The following DGKI variants were observed in gnomAD, a reference collection of about 807,000 sequenced individuals.
DGKI encodes DAG kinase iota.
A neutral mutation model predicts 147.5 loss-of-function variants in DGKI; 55 were observed. The observed-to-expected ratio is 0.37, with a 90% CI of 0.30 to 0.47. The LOEUF (loss-of-function observed/expected upper bound fraction) is 0.47. Ranked by LOEUF, DGKI falls within the 20% of genes least tolerant of loss-of-function variation. The pLI is 1.00. For missense variants in DGKI, 1,007 were observed against 1,323.8 expected, an observed-to-expected ratio of 0.76 and a Z score of 3.71; for synonymous variants, 469 against 477.1, an observed-to-expected ratio of 0.98 and a Z score of 0.22.
chr7:137,473,694 A>G (rs577767277), intron 23 of DGKI, among the ~76,000 whole-genome samples: 29 of 152,192 alleles, frequency 1.9e-4, no homozygotes, highest in Non-Finnish European at 3.8e-4. Flanking sequence ...GAGCAGACTG[A>G]AACTAGGTCA....
intron 20 of DGKI, among the ~76,000 whole-genome samples, chr7:137,525,975 A>G (rs1817131247): frequency 6.6e-6 from 1 of 152,070 alleles, no homozygotes; most frequent in African/African-American, 2.4e-5. Context: ...AAGGCCAACT[A>G]AAAACATGAA....
chr7:137,479,059 C>G (rs1815278706), intron 23 of DGKI, among the ~76,000 whole-genome samples: 2 of 152,114 alleles, frequency 1.3e-5, no homozygotes, highest in Non-Finnish European at 2.9e-5. Context: ...CCTCTAGTCT[C>G]CCCAGTCCTC....
At position 137,608,947 on chromosome 7, in the gene DGKI, A is replaced by G; in HGVS notation, c.1167+19T>C. ...AATTATCAAAACTTCTAAGTTGAAA[A>G]TCATGAAAAATTACTCACCTGGTTG... On this transcript the variant is annotated intron_variant, in intron 10 of 32. Transcript: ENST00000614521. 1 of 1,578,380 alleles carries G rather than the reference A, an allele frequency of 6.3e-7. No homozygotes were observed. The highest frequency in any genetic ancestry group is 1.1e-5 in the South Asian group (1 of 90,262).
intron 11 of DGKI, among the ~76,000 whole-genome samples, chr7:137,599,534 T>C (rs1023244423): frequency 6.6e-6 from 1 of 152,220 alleles, no homozygotes; most frequent in South Asian, 2.1e-4. Context: ...CAATGAGTCC[T>C]TTCTCAATTC....
chr7:137,522,003 G>A (rs1449441501), intron 20 of DGKI, 37 bp from the exon 21 acceptor site: 1 of 1,516,782 alleles, frequency 6.6e-7, no homozygotes, highest in Non-Finnish European at 9.1e-7. Context: ...ATACAAATGA[G>A]AGAGCGGAAT....
intron 24 of DGKI, 68 bp from the exon 25 acceptor site, chr7:137,467,010 T>C: frequency 4.1e-6 from 6 of 1,481,180 alleles, no homozygotes; most frequent in South Asian, 1.1e-5. Flanking sequence ...TATAACCTTC[T>C]CTTCGACTAT....
In DGKI at chr7:137,427,522, C is replaced by T. The variant is rs1336357388; in HGVS notation, c.2762-15315G>A. Among the ~76,000 whole-genome samples the T allele has an allele frequency of 2.6e-5, 4 of 152,030 alleles. No individual in the cohort carries two copies. In the South Asian group the frequency reaches 8.3e-4, roughly 32 times the overall value. On this transcript the variant is annotated intron_variant, in intron 28 of 32. Coordinates refer to ENST00000614521, the MANE Select transcript of DGKI (RefSeq NM_001321708.2). ...AAGCAAGAGCAAACACATTCAAAAG[C>T]TAGCAGAAGGCAAGAAATAACTAAA...
intron 21 of DGKI, among the ~76,000 whole-genome samples, chr7:137,503,001 G>C (rs1039792498): frequency 6.6e-6 from 1 of 152,110 alleles, no homozygotes; most frequent in African/African-American, 2.4e-5. Flanking sequence ...CCTGGACAAA[G>C]GACCAGAACC....
intron 31 of DGKI, among the ~76,000 whole-genome samples, chr7:137,396,256 AG>A (rs892342470): frequency 2.0e-5 from 3 of 152,142 alleles, no homozygotes; most frequent in African/African-American, 7.2e-5. Context: ...AGGTGGAAGG[AG>A]GGGGCAGCCA....
At chr7:137,392,090 A>G (rs1811386053) in intron 32 of DGKI, among the ~76,000 whole-genome samples, 1 of 152,218 alleles carries the variant, frequency 6.6e-6, no homozygotes, top group Non-Finnish European at 1.5e-5. Context: ...CAATTCATTT[A>G]CATACTGTTT....
intron 1 of DGKI, among the ~76,000 whole-genome samples, chr7:137,724,790 C>T (rs1348628152): frequency 1.3e-5 from 2 of 152,032 alleles, no homozygotes; most frequent in Non-Finnish European, 2.9e-5. Context: ...GCAGGGGAGG[C>T]AAGCACTAGA....
At chr7:137,395,392 T>C (rs561603788) in intron 32 of DGKI, among the ~76,000 whole-genome samples, 6 of 152,328 alleles carry the variant, frequency 3.9e-5, no homozygotes, top group South Asian at 4.1e-4. Context: ...TAAAGCCCCA[T>C]AGGCAAGCAC....
At chr7:137,653,835 G>A (rs1284575688) in intron 5 of DGKI, among the ~76,000 whole-genome samples, 1 of 152,186 alleles carries the variant, frequency 6.6e-6, no homozygotes, top group African/African-American at 2.4e-5. Flanking sequence ...GGAGGATACC[G>A]TATAAGATGC....
At chr7:137,431,890 C>T (rs535063364) in intron 28 of DGKI, among the ~76,000 whole-genome samples, 5 of 152,284 alleles carry the variant, frequency 3.3e-5, no homozygotes, top group Admixed American at 6.5e-5. Flanking sequence ...CAAGTTGATA[C>T]GGTTTGGATC....
intron 20 of DGKI, among the ~76,000 whole-genome samples, chr7:137,534,513 A>C (rs982433534): frequency 3.3e-5 from 5 of 151,998 alleles, no homozygotes; most frequent in African/African-American, 1.2e-4. Flanking sequence ...TTTAAAGTAC[A>C]TATTGTTCAA....
At chr7:137,800,083 G>T (rs1300533371) in intron 1 of DGKI, among the ~76,000 whole-genome samples, 1 of 152,152 alleles carries the variant, frequency 6.6e-6, no homozygotes, top group Non-Finnish European at 1.5e-5. Flanking sequence ...AGGAGAATGA[G>T]AAATCTCAGG....
rs185485530 is a variant in DGKI at position 137,458,944 on chromosome 7, C to G, written c.2735+4545G>C. ...CCCAGCAGTAATAATGTCAGTCAAC[C>G]ACTTCTCACCAATTCATTTCAAAAT... is the stretch of plus-strand genomic sequence containing the variant. On this transcript the variant is annotated intron_variant, in intron 27 of 32. Coordinates refer to ENST00000614521, the MANE Select transcript of DGKI (RefSeq NM_001321708.2). Among the ~76,000 whole-genome samples, 29 of 152,196 alleles carry G rather than the reference C, an allele frequency of 1.9e-4. No homozygotes were observed. The East Asian group carries it at 5.4e-3, about 28-fold the overall frequency.
At chr7:137,771,108 G>T (rs1346128758) in intron 1 of DGKI, among the ~76,000 whole-genome samples, 1 of 150,830 alleles carries the variant, frequency 6.6e-6, no homozygotes, top group Non-Finnish European at 1.5e-5. Flanking sequence ...TATTTTTTTT[G>T]AGATGGCATC....
intron 22 of DGKI, 21 bp downstream of exon 22, chr7:137,487,589 A>C (rs2128936474): frequency 3.7e-6 from 6 of 1,606,436 alleles, no homozygotes; most frequent in Non-Finnish European, 5.1e-6. Context: ...GGAGAATAAA[A>C]AATTGGCTAA....
Sources: gnomAD v4.1 joint callset for allele counts (sites outside exome capture counted in the v4.1 genomes callset) on GRCh38, gnomAD v4.1.1 for gene constraint, MANE v1.5 for transcripts, NCBI Gene and HGNC (gene_info 2026-07-23, HGNC 2026-07-21) for gene names.